The following PREP variants were observed in gnomAD, a reference collection of about 807,000 sequenced individuals.
PREP encodes the protein dJ355L5.1 (prolyl endopeptidase).
PREP carries 29 observed loss-of-function variants against 87.6 expected under a neutral mutation model. The observed-to-expected ratio is 0.33, with a 90% confidence interval of 0.25 to 0.45. PREP has a LOEUF of 0.45. Among genes scored for constraint, PREP ranks in the 20% least tolerant of loss-of-function variants. PREP has a pLI of 1.00. For synonymous variants in PREP, 337 were observed against 328.6 expected, an observed-to-expected ratio of 1.03 and a Z score of -0.28; for missense variants, 695 against 886.5, an observed-to-expected ratio of 0.78 and a Z score of 2.74.
chr6:105,367,695 C>T (rs1045453771), intron 6 of PREP, among the ~76,000 whole-genome samples: 1 of 149,270 alleles, frequency 6.7e-6, no homozygotes, highest in African/African-American at 2.5e-5. Flanking sequence ...AAAAGAAAAA[C>T]GGACAAATTT....
At chr6:105,362,423 T>C (rs2114695309) in intron 6 of PREP, among the ~76,000 whole-genome samples, 1 of 152,314 alleles carries the variant, frequency 6.6e-6, no homozygotes, top group East Asian at 1.9e-4. Flanking sequence ...ATCACACCAC[T>C]GCACTCCAGC....
intron 7 of PREP, among the ~76,000 whole-genome samples, chr6:105,334,734 A>ACAG (rs1198097966): frequency 6.6e-6 from 1 of 151,882 alleles, no homozygotes; most frequent in East Asian, 1.9e-4. Context: ...AACAACAACA[A>ACAG]CAACAGAGAT....
At chr6:105,320,902 A>G (rs1462972742) in intron 10 of PREP, among the ~76,000 whole-genome samples, 3 of 152,168 alleles carry the variant, frequency 2.0e-5, no homozygotes, top group African/African-American at 7.2e-5. Context: ...GCTTTTTACA[A>G]TGGGAGGTCA....
In PREP at chr6:105,274,430, T is replaced by C. The variant is rs1322429559; in HGVS notation, c.*3714A>G. On this transcript the variant is annotated 3_prime_UTR_variant, in exon 15 of 15. Coordinates refer to ENST00000652536, the MANE Select transcript of PREP (RefSeq NM_002726.5). ...CTTTGGGATTTACGATTTCAACATA[T>C]ACATTTCGGGGAGGACATAAACACT... Among the ~76,000 whole-genome samples the C allele has an allele frequency of 6.6e-6, 1 of 152,132 alleles. No individual in the cohort carries two copies.
chr6:105,402,914 G>A lies in PREP; in HGVS notation c.-23C>T. The A allele has an allele frequency of 2.1e-6, 3 of 1,400,600 alleles. No homozygotes were observed. Among genetic ancestry groups the A allele is most frequent in the Non-Finnish European group, 2.9e-6 (3 of 1,037,754 alleles). 86.8% of individuals were successfully genotyped at this position (1,400,600 alleles called of 1,614,324 possible). On this transcript the variant is annotated 5_prime_UTR_variant, in exon 1 of 15. Transcript: ENST00000652536. ...CATGGCCGGGGACAGGCAGGGGGCA[G>A]CGTGGAGGGGCGCGGGCTCCGGGAG...
At chr6:105,320,753 A>C (rs774655392) in intron 10 of PREP, among the ~76,000 whole-genome samples, 4 of 152,214 alleles carry the variant, frequency 2.6e-5, no homozygotes, top group Non-Finnish European at 5.9e-5. Context: ...TACAAACCCC[A>C]GGGTCAAGTG....
At chr6:105,337,137 G>A (rs1337672394) in intron 7 of PREP, among the ~76,000 whole-genome samples, 1 of 152,108 alleles carries the variant, frequency 6.6e-6, no homozygotes, top group Non-Finnish European at 1.5e-5. Flanking sequence ...CTAGGAATCT[G>A]ATCATTTGAC....
intron 6 of PREP, among the ~76,000 whole-genome samples, chr6:105,355,150 G>C (rs999093537): frequency 6.8e-6 from 1 of 147,846 alleles, no homozygotes; most frequent in Non-Finnish European, 1.5e-5. Context: ...GGAGTGCAGT[G>C]GCACTCCAAC....
rs1437445048 is a variant in PREP at position 105,323,699 on chromosome 6, T to C, written c.1283A>G (p.Lys428Arg). 5 of 1,613,202 alleles carry C rather than the reference T, an allele frequency of 3.1e-6. No homozygotes were observed. Among genetic ancestry groups the C allele is most frequent in the Non-Finnish European group, 3.4e-6 (4 of 1,179,222 alleles). ...EPRVFREVTV[K>R]GIDASDYQTV... ...CTGGTAATCAGAAGCATCAATTCCT[T>C]TTACGGTCACCTCTCGGAAAACTCT... Residue 428 changes from lysine (K) to arginine (R), a missense_variant, in exon 10 of 15, where the codon AAA becomes AGA. Coordinates refer to ENST00000652536, the MANE Select transcript of PREP (RefSeq NM_002726.5).
chr6:105,288,646 C>G, intron 11 of PREP, 112 bp downstream of exon 11: 2 of 1,371,234 alleles, frequency 1.5e-6, no homozygotes, highest in Non-Finnish European at 2.0e-6. Context: ...TGTGAACCCC[C>G]ACGCCTGGCC....
chr6:105,373,139 G>T (rs769626625), intron 5 of PREP, among the ~76,000 whole-genome samples: 1 of 152,182 alleles, frequency 6.6e-6, no homozygotes, highest in Non-Finnish European at 1.5e-5. Context: ...AAGGCCAGAA[G>T]AACTACCTGG....
At chr6:105,282,302 A>C (rs1339603186) in intron 13 of PREP, 149 bp downstream of exon 13, 4 of 1,010,554 alleles carry the variant, frequency 4.0e-6, no homozygotes, top group Non-Finnish European at 4.3e-6. Flanking sequence ...CAGATACCCA[A>C]ATACAAATGG....
chr6:105,366,566 T>C (rs909580772), intron 6 of PREP, among the ~76,000 whole-genome samples: 3 of 152,230 alleles, frequency 2.0e-5, no homozygotes, highest in Admixed American at 2.0e-4. Context: ...TTCTTTTTAT[T>C]TGCCTAGCTA....
Position 105,333,394 on chromosome 6 carries a change from C to T in PREP, c.935G>A (p.Arg312His), listed in dbSNP as rs371261992. The T allele has an allele frequency of 1.8e-5, 29 of 1,614,128 alleles. No individual in the cohort carries two copies. Among genetic ancestry groups the T allele is most frequent in the East Asian group, 4.5e-5 (2 of 44,876 alleles). Reference protein sequence around the residue: ...FKTNRQSPNYRVINIDFRDPE... With the variant: ...FKTNRQSPNYHVINIDFRDPE... Reference sequence around the variant, plus strand: ...ATCCCTGAAGTCAATGTTGATCACGCGATAGTTGGGAGACTGGCGATTCGT... The same window carrying T: ...ATCCCTGAAGTCAATGTTGATCACGTGATAGTTGGGAGACTGGCGATTCGT... Residue 312 changes from arginine to histidine, a missense_variant, in exon 8 of 15, where the codon CGC becomes CAC. Around this residue, in one of 5 missense-constraint regions of PREP, gnomAD observed 517 missense variants for 620.3 expected, o/e 0.83. Coordinates refer to ENST00000652536, the MANE Select transcript of PREP (RefSeq NM_002726.5).
chr6:105,349,898 T>TAAAAAAAAAAAAAAAAAAA (rs1162063177), intron 7 of PREP, among the ~76,000 whole-genome samples: 2 of 59,456 alleles, frequency 3.4e-5, no homozygotes, highest in African/African-American at 1.0e-4. Context: ...GGGAAGCAGG[T>TAAAAAAAAAAAAAAAAAAA]AAAAAAAAAA....
intron 1 of PREP, 114 bp downstream of exon 1, chr6:105,402,732 AG>A: frequency 1.1e-6 from 1 of 918,846 alleles, no homozygotes; most frequent in African/African-American, 1.7e-5. Context: ...GCCGAGGGGG[AG>A]GGGAGGGACG....
chr6:105,346,780 TTC>T (rs1771809489), intron 7 of PREP, among the ~76,000 whole-genome samples: 2 of 152,222 alleles, frequency 1.3e-5, no homozygotes, highest in Admixed American at 6.5e-5. Context: ...TTCTTAAGAA[TTC>T]TATTAAAAAT....
chr6:105,303,225 C>T (rs1033258076), intron 10 of PREP, among the ~76,000 whole-genome samples: 4 of 152,116 alleles, frequency 2.6e-5, no homozygotes, highest in African/African-American at 7.2e-5. Context: ...CCACCACATG[C>T]AGCTAATTTT....
intron 2 of PREP, among the ~76,000 whole-genome samples, chr6:105,392,724 G>A (rs1773185732): frequency 1.3e-5 from 2 of 152,326 alleles, no homozygotes; most frequent in South Asian, 4.1e-4. Flanking sequence ...TTACAGGCAT[G>A]TGCCGCCATG....
Sources: gnomAD v4.1 joint callset for allele counts (sites outside exome capture counted in the v4.1 genomes callset) on GRCh38, gnomAD v4.1.1 for gene constraint, gnomAD v4.1.1 regional missense constraint, MANE v1.5 for transcripts, NCBI Gene and HGNC (gene_info 2026-07-23, HGNC 2026-07-21) for gene names.